The following CBLB variants were observed in gnomAD, a reference collection of about 807,000 sequenced individuals.
CBLB encodes the protein E3 ubiquitin-protein ligase CBL-B.
CBLB carries 31 observed loss-of-function variants against 104.9 expected under a neutral mutation model. The observed-to-expected ratio is 0.30, with a 90% CI of 0.22 to 0.40. The LOEUF (loss-of-function observed/expected upper bound fraction) is 0.40, where lower values mean the gene tolerates loss of function less well. Ranked by LOEUF, CBLB falls within the 10% of genes least tolerant of loss-of-function variation. The pLI is 1.00. For synonymous variants in CBLB, 440 were observed against 422.6 expected (o/e 1.04, Z -0.51); for missense variants, 1,062 against 1,214.6 (o/e 0.87, Z 1.87).
At chr3:105,680,751 A>G (rs2066221629) in intron 16 of CBLB, among the ~76,000 whole-genome samples, 2 of 152,222 alleles carry the variant, frequency 1.3e-5, no homozygotes, top group East Asian at 1.9e-4. Context: ...CTTTCATCAT[A>G]TATTATTTTA....
At chr3:105,774,327 G>A (rs1451513982) in intron 4 of CBLB, among the ~76,000 whole-genome samples, 3 of 152,074 alleles carry the variant, frequency 2.0e-5, no homozygotes, top group South Asian at 2.1e-4. Flanking sequence ...TCATGCATAT[G>A]TCCATTCATT....
intron 4 of CBLB, among the ~76,000 whole-genome samples, chr3:105,767,148 T>G (rs181508643): frequency 8.5e-5 from 13 of 152,206 alleles, no homozygotes; most frequent in Admixed American, 8.5e-4. Flanking sequence ...AGTGATTCTT[T>G]GAATCCTACT....
rs148190571 is a variant in CBLB at position 105,761,273 on chromosome 3, C to T, written c.567-9655G>A. ...TCTCGAACTTCTGGACTCAAGTGAT[C>T]CACCTGCCTTGGCCTCCCAAAATAC... is the stretch of plus-strand genomic sequence containing the variant. On this transcript the variant is annotated intron_variant, in intron 4 of 18. Transcript: ENST00000394030. Among the ~76,000 whole-genome samples, 630 of 152,318 alleles carry T rather than the reference C, an allele frequency of 4.1e-3. 3 individuals carry two copies. The highest frequency in any genetic ancestry group is 6.4e-3 in the Non-Finnish European group (435 of 68,030).
chr3:105,735,628 T>C (rs2074835796), intron 8 of CBLB, among the ~76,000 whole-genome samples: 1 of 152,186 alleles, frequency 6.6e-6, no homozygotes, highest in South Asian at 2.1e-4. Flanking sequence ...CACATAACTT[T>C]TAAAATGGCA....
chr3:105,670,192 T>C, intron 18 of CBLB, 41 bp downstream of exon 18: 1 of 1,584,684 alleles, frequency 6.3e-7, no homozygotes, highest in Middle Eastern at 1.7e-4. Flanking sequence ...AAGCACTATA[T>C]AACAATAAGG....
chr3:105,869,359 G>C, upstream of CBLB: 2 of 1,341,262 alleles, frequency 1.5e-6, no homozygotes, highest in Non-Finnish European at 2.0e-6. Context: ...GCAGGTGGGC[G>C]TGAGCGTCGG....
chr3:105,732,126 A>G (rs1407022199), intron 9 of CBLB, among the ~76,000 whole-genome samples: 1 of 152,218 alleles, frequency 6.6e-6, no homozygotes, highest in Non-Finnish European at 1.5e-5. Context: ...TTAGTTTAAC[A>G]CGTATCCTGA....
Position 105,764,986 on chromosome 3 carries a change from T to C in CBLB, c.566+11410A>G, listed in dbSNP as rs572791202. 1.0e-3 allele frequency among the ~76,000 whole-genome samples: 152 copies of C among 152,272 alleles called. 1 individual carries two copies. The highest frequency in any genetic ancestry group is 3.5e-3 in the African/African-American group (145 of 41,570). On this transcript the variant is annotated intron_variant, in intron 4 of 18. Coordinates refer to ENST00000394030, the MANE Select transcript of CBLB (RefSeq NM_170662.5). ...AAGAGAATTCAGGAAGCTTCAGAAG[T>C]AAAGTTTGAAACTAGCAGAAATTTG...
chr3:105,682,805 A>T (rs1455173374), intron 14 of CBLB, among the ~76,000 whole-genome samples: 1 of 152,142 alleles, frequency 6.6e-6, no homozygotes, highest in Non-Finnish European at 1.5e-5. Flanking sequence ...ACCCAGCCAA[A>T]TTATTGGTAT....
At chr3:105,698,233 G>C (rs1379812210) in intron 12 of CBLB, among the ~76,000 whole-genome samples, 1 of 152,046 alleles carries the variant, frequency 6.6e-6, no homozygotes. Context: ...CTTTAACTAT[G>C]AGCTAGAATA....
intron 6 of CBLB, among the ~76,000 whole-genome samples, chr3:105,745,621 T>G (rs1333336259): frequency 6.6e-6 from 1 of 152,204 alleles, no homozygotes; most frequent in African/African-American, 2.4e-5. Context: ...TATTTGTTCT[T>G]TAGCACAGTA....
intron 7 of CBLB, among the ~76,000 whole-genome samples, chr3:105,737,766 C>A (rs1204468195): frequency 6.6e-6 from 1 of 152,148 alleles, no homozygotes; most frequent in Non-Finnish European, 1.5e-5. Context: ...TATCTCTTCT[C>A]CCATCTTCCC....
chr3:105,834,464 G>C (rs2088115069), intron 3 of CBLB, among the ~76,000 whole-genome samples: 1 of 152,132 alleles, frequency 6.6e-6, no homozygotes, highest in South Asian at 2.1e-4. Flanking sequence ...AGACCATCCT[G>C]GCTAACACGG....
At chr3:105,719,454 C>T (rs2072438809) in intron 10 of CBLB, among the ~76,000 whole-genome samples, 1 of 152,126 alleles carries the variant, frequency 6.6e-6, no homozygotes, top group African/African-American at 2.4e-5. Flanking sequence ...GGTAATGGAC[C>T]ACATACATCA....
chr3:105,672,235 A>C (rs1267815961), intron 17 of CBLB: 1 of 185,374 alleles, frequency 5.4e-6, no homozygotes, highest in Non-Finnish European at 1.1e-5. Context: ...AGAGCCATAC[A>C]TAGACTATAA....
At chr3:105,864,244 GAT>G (rs1375136750) in intron 2 of CBLB, among the ~76,000 whole-genome samples, 2 of 152,302 alleles carry the variant, frequency 1.3e-5, no homozygotes, top group Non-Finnish European at 2.9e-5. Context: ...GTTTGGCTCT[GAT>G]ACTGTTCTCT....
rs776046370 is a variant in CBLB, at chr3:105,852,083, T to C, written c.419+1331A>G. ...TGATGTATTTACTATACTATAAACT[T>C]TTTAACATTATTTTATAGGGTATTC... On this transcript the variant is annotated intron_variant, in intron 3 of 18. Coordinates refer to ENST00000394030, the MANE Select transcript of CBLB (RefSeq NM_170662.5). Among the ~76,000 whole-genome samples the C allele has an allele frequency of 3.1e-4, 47 of 152,198 alleles. 1 individual carries two copies. The highest frequency in any genetic ancestry group is 7.9e-4 in the Admixed American group (12 of 15,284).
At chr3:105,725,445 G>C (rs2073467836) in intron 9 of CBLB, among the ~76,000 whole-genome samples, 1 of 152,134 alleles carries the variant, frequency 6.6e-6, no homozygotes, top group Non-Finnish European at 1.5e-5. Flanking sequence ...GCCAGTATCT[G>C]TTACGGTCCA....
intron 18 of CBLB, among the ~76,000 whole-genome samples, chr3:105,664,470 T>C (rs1000453966): frequency 1.3e-5 from 2 of 152,208 alleles, no homozygotes; most frequent in Non-Finnish European, 2.9e-5. Context: ...AAAATGTGCA[T>C]AGACAAAACA....
Sources: gnomAD v4.1 joint callset for allele counts (sites outside exome capture counted in the v4.1 genomes callset) on GRCh38, gnomAD v4.1.1 for gene constraint, MANE v1.5 for transcripts, NCBI Gene and HGNC (gene_info 2026-07-23, HGNC 2026-07-21) for gene names.